The following APBB2 variants were observed in gnomAD, a reference collection of about 807,000 sequenced individuals.
APBB2 encodes the protein Fe65-like 1.
A neutral mutation model predicts 82.5 loss-of-function variants in APBB2; 38 were observed. That is an observed-to-expected ratio of 0.46 (90% confidence interval 0.36 to 0.60). The LOEUF is 0.60. Ranked by LOEUF, APBB2 falls within the 20% of genes least tolerant of loss-of-function variation. The pLI is 0.00. For synonymous variants in APBB2, 341 were observed against 368.2 expected, an observed-to-expected ratio of 0.93 and a Z score of 0.85; for missense variants, 772 against 972.3, an observed-to-expected ratio of 0.79 and a Z score of 2.74.
intron 10 of APBB2, among the ~76,000 whole-genome samples, chr4:40,921,719 T>C (rs910903330): frequency 1.3e-5 from 2 of 152,254 alleles, no homozygotes; most frequent in Admixed American, 1.3e-4. Flanking sequence ...TGCAATCTCA[T>C]CTGAGCTCGT....
At chr4:41,081,794 T>C (rs1737727118) in intron 3 of APBB2, among the ~76,000 whole-genome samples, 2 of 152,188 alleles carry the variant, frequency 1.3e-5, no homozygotes, top group Admixed American at 6.5e-5. Context: ...TAAACAAATA[T>C]GACAAGACAG....
intron 5 of APBB2, among the ~76,000 whole-genome samples, chr4:41,017,638 C>G (rs748418937): frequency 6.7e-6 from 1 of 148,736 alleles, no homozygotes; most frequent in African/African-American, 2.6e-5. Flanking sequence ...CCACTTTGTA[C>G]GAGTTTATAA....
chr4:41,124,414 T>C (rs1353786821), intron 2 of APBB2, among the ~76,000 whole-genome samples: 1 of 152,120 alleles, frequency 6.6e-6, no homozygotes, highest in Non-Finnish European at 1.5e-5. Context: ...GAGACCGTGT[T>C]AGCCAGGATG....
chr4:40,927,212 T>C (rs189506536), intron 10 of APBB2, among the ~76,000 whole-genome samples: 1 of 152,236 alleles, frequency 6.6e-6, no homozygotes, highest in Non-Finnish European at 1.5e-5. Context: ...TCCTTAATTA[T>C]GTGTTTCAAA....
At chr4:40,816,400 T>C in intron 17 of APBB2, 141 bp from the exon 18 acceptor site, 2 of 936,894 alleles carry the variant, frequency 2.1e-6, no homozygotes, top group Non-Finnish European at 3.1e-6. Context: ...AGAGTTATTT[T>C]TCTCTGAATG....
In APBB2 at chr4:40,971,492, T is replaced by A. The variant is rs527387413; in HGVS notation, c.836-26419A>T. ...CTTTATGCAGAAGCAGGAGGAGCTT[T>A]CTCTGGGAAAATGGTTATGTCAGCT... On this transcript the variant is annotated intron_variant, in intron 6 of 17. Coordinates refer to ENST00000508593, the MANE Select transcript of APBB2 (RefSeq NM_004307.2). Among the ~76,000 whole-genome samples, 25 of 152,328 alleles carry A rather than the reference T, an allele frequency of 1.6e-4. No homozygotes were observed. In the South Asian group the frequency reaches 4.8e-3, roughly 29 times the overall value.
chr4:40,970,516 GTTTGT>G (rs1176870242), intron 6 of APBB2, among the ~76,000 whole-genome samples: 1 of 151,484 alleles, frequency 6.6e-6, no homozygotes. Flanking sequence ...TTTGGGTTTT[GTTTGT>G]TTTAAGACTG....
In APBB2 at chr4:41,027,842, G is replaced by A. The variant is rs968565136; in HGVS notation, c.19+5394C>T. 4.6e-5 allele frequency among the ~76,000 whole-genome samples: 7 copies of A among 152,224 alleles called. No homozygotes were observed. In the East Asian group the frequency reaches 1.3e-3, roughly 29 times the overall value. ...TAAAGGTGGTTCTCTTGGATTCCTG[G>A]CAGGTGGATGGGTCCCCCAGTGATT... On this transcript the variant is annotated intron_variant, in intron 5 of 17. Coordinates refer to ENST00000508593, the MANE Select transcript of APBB2 (RefSeq NM_004307.2).
In APBB2 at chr4:41,159,961, G is replaced by GAAGAAGAAGA. The variant is rs1560913423; in HGVS notation, c.-416-16820_-416-16819insTCTTCTTCTT. 5.1e-3 allele frequency among the ~76,000 whole-genome samples: 163 copies of GAAGAAGAAGA among 31,964 alleles called. 9 individuals are homozygous for GAAGAAGAAGA. The highest frequency in any genetic ancestry group is 6.0e-3 in the African/African-American group (57 of 9,564). The allele number at this position is 31,964 out of a possible 152,430, so 21.0% of individuals were successfully genotyped here. A position where few individuals can be genotyped will look rare whatever the true frequency, so the allele number is the denominator to read the frequency against. On this transcript the variant is annotated intron_variant, in intron 1 of 17. Coordinates refer to ENST00000508593, the MANE Select transcript of APBB2 (RefSeq NM_004307.2). ...GGAGGAGGAGAAGGAGAAGGAGAAG[G>GAAGAAGAAGA]AGAAGAAGAAGAAGAAGAAGAAGAA...
intron 10 of APBB2, among the ~76,000 whole-genome samples, chr4:40,932,492 G>A (rs182000947): frequency 9.3e-4 from 141 of 152,306 alleles, no homozygotes; most frequent in Non-Finnish European, 1.8e-3. Flanking sequence ...TCTGGCAAAG[G>A]AGTCAAGGTT....
At chr4:41,172,224 C>A (rs1389844117) in intron 1 of APBB2, among the ~76,000 whole-genome samples, 1 of 152,094 alleles carries the variant, frequency 6.6e-6, no homozygotes, top group Non-Finnish European at 1.5e-5. Flanking sequence ...TCCAGCACCC[C>A]CCGCCCCAGG....
At chr4:40,836,595 A>G (rs1754036642) in intron 12 of APBB2, among the ~76,000 whole-genome samples, 1 of 152,074 alleles carries the variant, frequency 6.6e-6, no homozygotes, top group African/African-American at 2.4e-5. Context: ...AAGGTGGGAA[A>G]AAAATTGCTG....
At chr4:41,155,703 T>A (rs1763278106) in intron 1 of APBB2, among the ~76,000 whole-genome samples, 1 of 152,300 alleles carries the variant, frequency 6.6e-6, no homozygotes, top group African/African-American at 2.4e-5. Flanking sequence ...ATTCCTAAAC[T>A]CTTGCCTAAT....
chr4:41,055,170 T>A (rs1419767012), intron 4 of APBB2, among the ~76,000 whole-genome samples: 6 of 152,226 alleles, frequency 3.9e-5, no homozygotes, highest in African/African-American at 1.2e-4. Flanking sequence ...TAGACTGGGC[T>A]TTCCCCATGC....
intron 16 of APBB2, 63 bp from the exon 17 acceptor site, chr4:40,822,113 C>T (rs1249264930): frequency 6.4e-7 from 1 of 1,569,016 alleles, no homozygotes; most frequent in Non-Finnish European, 8.7e-7. Context: ...AGAGTGGCAG[C>T]ACATAGGAAC....
chr4:41,108,657 C>T (rs964585704), intron 2 of APBB2, among the ~76,000 whole-genome samples: 1 of 152,180 alleles, frequency 6.6e-6, no homozygotes, highest in Non-Finnish European at 1.5e-5. Flanking sequence ...TGACCAAACA[C>T]CCTGCCCAGG....
intron 6 of APBB2, among the ~76,000 whole-genome samples, chr4:41,011,094 G>T (rs1046223305): frequency 6.6e-6 from 1 of 150,520 alleles, no homozygotes; most frequent in Non-Finnish European, 1.5e-5. Context: ...AAAACATAGG[G>T]ATTCTAAAAA....
chr4:40,825,325 C>A (rs1251183837), intron 15 of APBB2, among the ~76,000 whole-genome samples: 1 of 152,224 alleles, frequency 6.6e-6, no homozygotes, highest in Non-Finnish European at 1.5e-5. Context: ...ATCTTACAGC[C>A]CCCTTGGCAG....
intron 6 of APBB2, among the ~76,000 whole-genome samples, chr4:40,982,456 TG>T (rs1799326287): frequency 1.4e-5 from 1 of 71,634 alleles, no homozygotes; most frequent in Non-Finnish European, 2.8e-5. Context: ...AAAGAAAGAA[TG>T]AATGAATTTG....
Sources: allele counts gnomAD v4.1 joint callset (sites outside exome capture counted in the v4.1 genomes callset), GRCh38; gene constraint gnomAD v4.1.1; transcripts MANE v1.5; gene names NCBI Gene and HGNC (gene_info 2026-07-23, HGNC 2026-07-21).